SLC25A26: variants seen among roughly 807,000 people sequenced by gnomAD.
The protein encoded by SLC25A26 is solute carrier family 25 member 26, also known as mitochondrial S-adenosylmethionine carrier protein.
A neutral mutation model predicts 37.8 loss-of-function variants in SLC25A26; 36 were observed. That is an observed-to-expected ratio of 0.95 (90% CI 0.73 to 1.26). The LOEUF (loss-of-function observed/expected upper bound fraction) is 1.26. SLC25A26 is among the 50% of genes most tolerant of loss of function. The pLI, the probability that SLC25A26 is intolerant of heterozygous loss-of-function variation, is 0.00. For synonymous variants in SLC25A26, 129 were observed against 122.5 expected (o/e 1.05, Z -0.35); for missense variants, 390 against 331.1 (o/e 1.18, Z -1.38).
At chr3:66,253,820 C>A (rs1350097170) in intron 3 of SLC25A26, among the ~76,000 whole-genome samples, 1 of 152,138 alleles carries the variant, frequency 6.6e-6, no homozygotes, top group Non-Finnish European at 1.5e-5. Context: ...ATCTATAAAT[C>A]CATCCATGGG....
At chr3:66,150,296 A>G (rs920332503) in intron 1 of SLC25A26, among the ~76,000 whole-genome samples, 16 of 151,544 alleles carry the variant, frequency 1.1e-4, no homozygotes, top group African/African-American at 3.6e-4. Flanking sequence ...TCAGGAGTTC[A>G]AGACCAGCCT....
In SLC25A26 at chr3:66,377,792, CAGAA is replaced by C; in HGVS notation, c.814_817del (p.Lys272ValfsTer36). On this transcript the variant is annotated frameshift_variant, in exon 10 of 10. Coordinates refer to ENST00000354883, the MANE Select transcript of SLC25A26 (RefSeq NM_001379210.1). LOFTEE classifies it high-confidence loss of function. ...CGCACAGCTTGCTGTTGGAAGTTGG[CAGAA>C]AGAGTCCTTGAAGCAGAGACAAGCC... is the stretch of plus-strand genomic sequence containing the variant. 2 of 1,613,518 alleles carry C rather than the reference CAGAA, an allele frequency of 1.2e-6. No homozygotes were observed. The highest frequency in any genetic ancestry group is 2.2e-5 in the South Asian group (2 of 91,064).
chr3:66,316,206 A>T (rs1315285401), intron 5 of SLC25A26, among the ~76,000 whole-genome samples: 2 of 152,120 alleles, frequency 1.3e-5, no homozygotes, highest in Admixed American at 1.3e-4. Context: ...TTGCTTCATC[A>T]TGTCACTGGC....
intron 5 of SLC25A26, 60 bp from the exon 6 acceptor site, chr3:66,346,304 A>G (rs2076320841): frequency 5.9e-6 from 5 of 841,800 alleles, no homozygotes; most frequent in East Asian, 2.7e-5. Flanking sequence ...TCGTATAGTC[A>G]TACAGGCAAA....
At chr3:66,239,264 CT>C (rs555707985) in intron 2 of SLC25A26, among the ~76,000 whole-genome samples, 322 of 142,792 alleles carry the variant, frequency 2.3e-3, no homozygotes, top group Non-Finnish European at 2.4e-3. Context: ...CATCCCCAAC[CT>C]TTTTTTTTTT....
At chr3:66,274,105 A>G (rs1208058137) in intron 5 of SLC25A26, among the ~76,000 whole-genome samples, 11 of 152,044 alleles carry the variant, frequency 7.2e-5, no homozygotes, top group African/African-American at 2.7e-4. Context: ...GCATATCTAC[A>G]ACTATCTGAT....
intron 1 of SLC25A26, among the ~76,000 whole-genome samples, chr3:66,136,736 T>A (rs901587701): frequency 6.6e-6 from 1 of 152,262 alleles, no homozygotes; most frequent in Non-Finnish European, 1.5e-5. Flanking sequence ...AGTAGTACTG[T>A]GTTTTCAAAG....
chr3:66,189,771 CCCT>C (rs1349326019), intron 1 of SLC25A26, among the ~76,000 whole-genome samples: 1 of 152,178 alleles, frequency 6.6e-6, no homozygotes, highest in Non-Finnish European at 1.5e-5. Flanking sequence ...AAGCGACTTT[CCCT>C]CCTCAGCCTC....
chr3:66,297,011 A>C (rs1432265750), intron 5 of SLC25A26, among the ~76,000 whole-genome samples: 1 of 152,228 alleles, frequency 6.6e-6, no homozygotes, highest in Admixed American at 6.5e-5. Context: ...CCCATTTATA[A>C]GTAATAATAA....
At chr3:66,133,944 A>T (rs986224894) in exon 1 of SLC25A26, 5 of 152,224 alleles carry the variant, frequency 3.3e-5, no homozygotes, top group African/African-American at 1.2e-4. Context: ...CTACATACAG[A>T]TCATGAAAAG....
At chr3:66,357,279 T>A (rs1043452553) in intron 6 of SLC25A26, among the ~76,000 whole-genome samples, 6 of 152,332 alleles carry the variant, frequency 3.9e-5, no homozygotes, top group Admixed American at 3.9e-4. Context: ...CCGGGCATGA[T>A]GGCCCTTGCC....
chr3:66,201,443 A>G (rs1476659262), intron 1 of SLC25A26, among the ~76,000 whole-genome samples: 1 of 151,854 alleles, frequency 6.6e-6, no homozygotes, highest in African/African-American at 2.4e-5. Flanking sequence ...AGGTGATCCT[A>G]CCACCTCAGC....
intron 5 of SLC25A26, among the ~76,000 whole-genome samples, chr3:66,321,839 A>G (rs894982505): frequency 6.6e-6 from 1 of 151,048 alleles, no homozygotes; most frequent in African/African-American, 2.4e-5. Context: ...TCTGTTTTGT[A>G]CTGCTATGAC....
intron 1 of SLC25A26, among the ~76,000 whole-genome samples, chr3:66,151,388 C>T (rs2070206383): frequency 6.6e-6 from 1 of 152,174 alleles, no homozygotes; most frequent in Non-Finnish European, 1.5e-5. Flanking sequence ...GAGCCCAGCT[C>T]AGGTTGTGTC....
At chr3:66,207,174 A>G (rs1461090725) in intron 1 of SLC25A26, among the ~76,000 whole-genome samples, 1 of 152,024 alleles carries the variant, frequency 6.6e-6, no homozygotes, top group Admixed American at 6.6e-5. Flanking sequence ...AGGAGACCCA[A>G]ATGCTACCCA....
rs781979038 is a variant in SLC25A26 at position 66,243,217 on chromosome 3, A to G, written c.205A>G (p.Ile69Val). The G allele has an allele frequency of 5.0e-6, 8 of 1,589,870 alleles. No homozygotes were observed. The highest frequency in any genetic ancestry group is 6.0e-6 in the Non-Finnish European group (7 of 1,163,462). ...GSFPNAAAFF[I>V]TYEYVKWFLH... is the part of the protein sequence containing the mutation. ...TTAAATTTCAGCTGCTGCATTTTTT[A>G]TCACCTATGAATATGTGAAGTGGTT... The change falls in exon 3 of 10, where the codon ATC (isoleucine) becomes GTC (valine). Residue 69 changes from isoleucine (I) to valine (V), a missense_variant. Physicochemically the swap from Ile to Val is conservative, Grantham distance 29. Coordinates refer to ENST00000354883, the MANE Select transcript of SLC25A26 (RefSeq NM_001379210.1).
At chr3:66,312,027 G>C (rs115281843) in intron 5 of SLC25A26, among the ~76,000 whole-genome samples, 25 of 152,176 alleles carry the variant, frequency 1.6e-4, no homozygotes, top group Non-Finnish European at 2.6e-4. Context: ...GCTGTGCTGC[G>C]AGATCCACTC....
chr3:66,167,405 C>T (rs1018107889), intron 1 of SLC25A26, among the ~76,000 whole-genome samples: 1 of 152,124 alleles, frequency 6.6e-6, no homozygotes, highest in Non-Finnish European at 1.5e-5. Context: ...GGGAAAGGAA[C>T]AATAGAGAAT....
intron 3 of SLC25A26, among the ~76,000 whole-genome samples, chr3:66,261,835 A>G (rs1328018111): frequency 6.6e-6 from 1 of 151,994 alleles, no homozygotes; most frequent in Admixed American, 6.6e-5. Flanking sequence ...GGCAGGATCT[A>G]TATAGGACAA....
Sources: allele counts gnomAD v4.1 joint callset (sites outside exome capture counted in the v4.1 genomes callset), GRCh38; gene constraint gnomAD v4.1.1; transcripts MANE v1.5; gene names NCBI Gene and HGNC (gene_info 2026-07-23, HGNC 2026-07-21).